Variants in FBXL20 observed in about 807,000 individuals in gnomAD.
FBXL20 encodes the protein F-box/LRR-repeat protein 20.
FBXL20 carries 11 observed loss-of-function variants against 64.0 expected under a neutral mutation model. The ratio of observed to expected loss-of-function variants is 0.17; its 90% CI spans 0.11 to 0.28. FBXL20 has a LOEUF of 0.28. Among genes scored for constraint, FBXL20 ranks in the 10% least tolerant of loss-of-function variants. FBXL20 has a pLI of 1.00. For synonymous variants in FBXL20, 184 were observed against 189.0 expected, an observed-to-expected ratio of 0.97 and a Z score of 0.22; for missense variants, 303 against 526.2, an observed-to-expected ratio of 0.58 and a Z score of 4.15.
intron 1 of FBXL20, among the ~76,000 whole-genome samples, chr17:39,400,028 T>C (rs1448933244): frequency 6.6e-6 from 1 of 152,192 alleles, no homozygotes; most frequent in African/African-American, 2.4e-5. Flanking sequence ...TACGAAACCA[T>C]CATAAATTAA....
intron 2 of FBXL20, among the ~76,000 whole-genome samples, chr17:39,312,030 T>A (rs920543894): frequency 6.6e-6 from 1 of 152,162 alleles, no homozygotes; most frequent in African/African-American, 2.4e-5. Flanking sequence ...TAAGATGTCA[T>A]TGAGTTAGCT....
Position 39,254,519 on chromosome 17 carries a change from A to T in FBXL20, c.*6941T>A, listed in dbSNP as rs1179574173. On this transcript the variant is annotated 3_prime_UTR_variant, in exon 15 of 15. Transcript: ENST00000264658. ...GCTCACTTCTCTAGTCCTAGTACCA[A>T]AACCATGCCCAGATGCAGCTGGGGT... 1.3e-5 allele frequency: 2 copies of T among 154,462 alleles called. No homozygotes were observed. The highest frequency in any genetic ancestry group is 4.8e-5 in the African/African-American group (2 of 41,476). The allele number at this position is 154,462 out of a possible 1,614,324, so 9.6% of individuals were successfully genotyped here.
At chr17:39,299,784 A>C (rs2047118516) in intron 4 of FBXL20, among the ~76,000 whole-genome samples, 1 of 151,494 alleles carries the variant, frequency 6.6e-6, no homozygotes. Context: ...CTCTGTCTCA[A>C]AACAACAACA....
chr17:39,264,889 T>C (rs1174270819), intron 13 of FBXL20, among the ~76,000 whole-genome samples: 2 of 152,206 alleles, frequency 1.3e-5, no homozygotes, highest in African/African-American at 2.4e-5. Flanking sequence ...TCAGAAAATC[T>C]TGACCCAATT....
At chr17:39,371,602 A>G (rs2047918960) in intron 1 of FBXL20, among the ~76,000 whole-genome samples, 1 of 151,662 alleles carries the variant, frequency 6.6e-6, no homozygotes. Flanking sequence ...GGTCCTGAAC[A>G]TCTCATATTC....
At chr17:39,302,375 T>G (rs1356563838) in intron 3 of FBXL20, among the ~76,000 whole-genome samples, 2 of 82,228 alleles carry the variant, frequency 2.4e-5, no homozygotes, top group Admixed American at 2.7e-4. Context: ...CGCATTTGGC[T>G]TTTTTTTTTT....
chr17:39,310,282 G>C (rs553824746), intron 2 of FBXL20, among the ~76,000 whole-genome samples: 1 of 151,910 alleles, frequency 6.6e-6, no homozygotes, highest in African/African-American at 2.4e-5. Context: ...CCAGTTTGCC[G>C]ATGTCACAGC....
chr17:39,320,253 T>TTAAAGA (rs140163569), intron 2 of FBXL20, among the ~76,000 whole-genome samples: 55,663 of 151,558 alleles, frequency 0.37, 12,777 homozygotes, highest in African/African-American at 0.65. Context: ...AAAAATCAAC[T>TTAAAGA]TAAATTTTTT....
intron 9 of FBXL20, among the ~76,000 whole-genome samples, chr17:39,280,250 A>C (rs1045856635): frequency 7.9e-5 from 12 of 151,058 alleles, no homozygotes; most frequent in East Asian, 5.8e-4. Context: ...AAAAAAAAAA[A>C]AAATTAGCCG....
intron 1 of FBXL20, among the ~76,000 whole-genome samples, chr17:39,401,061 G>A (rs989121209): frequency 1.3e-5 from 2 of 152,242 alleles, no homozygotes; most frequent in Non-Finnish European, 2.9e-5. Flanking sequence ...GCAAGCCAAG[G>A]GTTGTGTAAA....
rs537271687 is a variant in FBXL20 at position 39,357,581 on chromosome 17, A to G, written c.43-14340T>C. ...TTATTTCTTGAGACAGTGTCTTACT[A>G]TGTCACCCAGGCTAGAGTGCGGTGG... is the stretch of plus-strand genomic sequence containing the variant. On this transcript the variant is annotated intron_variant, in intron 1 of 14. Coordinates refer to ENST00000264658, the MANE Select transcript of FBXL20 (RefSeq NM_032875.3). 2.4e-4 allele frequency among the ~76,000 whole-genome samples: 37 copies of G among 152,228 alleles called. No homozygotes were observed. In the South Asian group the frequency reaches 3.5e-3, roughly 14 times the overall value.
rs558192213 is a variant in FBXL20 at position 39,329,072 on chromosome 17, T to C, written c.104+14108A>G. ...TGTCAAAAATAAAATAAATACAATGTCTCAAAGTATTTTTACCATAGGACA... is the reference window on the plus strand; with the variant it reads ...TGTCAAAAATAAAATAAATACAATGCCTCAAAGTATTTTTACCATAGGACA... On this transcript the variant is annotated intron_variant, in intron 2 of 14. Coordinates refer to ENST00000264658, the MANE Select transcript of FBXL20 (RefSeq NM_032875.3). Among the ~76,000 whole-genome samples the C allele has an allele frequency of 4.4e-4, 67 of 151,864 alleles. 1 individual carries two copies. Among genetic ancestry groups the C allele is most frequent in the African/African-American group, 1.6e-3 (67 of 41,390 alleles).
At chr17:39,323,778 CT>C (rs375479842) in intron 2 of FBXL20, among the ~76,000 whole-genome samples, 124 of 144,382 alleles carry the variant, frequency 8.6e-4, no homozygotes, top group Non-Finnish European at 9.4e-4. Context: ...CTTCTGTTTT[CT>C]TTTTTTTTTT....
intron 6 of FBXL20, among the ~76,000 whole-genome samples, chr17:39,291,255 C>T (rs1216460798): frequency 6.6e-6 from 1 of 151,994 alleles, no homozygotes; most frequent in Non-Finnish European, 1.5e-5. Context: ...CCACCGCGCC[C>T]GGCCACCTAT....
rs2047129041 is a variant in FBXL20, at chr17:39,300,990, C to T, written c.234+11G>A. On this transcript the variant is annotated intron_variant, in intron 4 of 14. Transcript: ENST00000264658. ...ACATGAAAACTGGGGCCACACACCA[C>T]ATAATTATACCTCAATATCCCTCTG... 1 of 1,613,294 alleles carries T rather than the reference C, an allele frequency of 6.2e-7. No individual in the cohort carries two copies. The highest frequency in any genetic ancestry group is 1.3e-5 in the African/African-American group (1 of 74,890).
intron 2 of FBXL20, among the ~76,000 whole-genome samples, chr17:39,318,498 T>G (rs901909805): frequency 1.3e-5 from 2 of 152,088 alleles, no homozygotes; most frequent in Non-Finnish European, 2.9e-5. Flanking sequence ...CCCAGCACTT[T>G]GGGAGGCCAA....
chr17:39,293,284 T>C (rs1376767979), intron 6 of FBXL20, among the ~76,000 whole-genome samples: 1 of 151,834 alleles, frequency 6.6e-6, no homozygotes, highest in Non-Finnish European at 1.5e-5. Flanking sequence ...TGCAGTGGCA[T>C]GATCTCGGCT....
intron 1 of FBXL20, among the ~76,000 whole-genome samples, chr17:39,383,938 A>G (rs889413727): frequency 9.9e-5 from 15 of 152,034 alleles, no homozygotes; most frequent in Non-Finnish European, 1.6e-4. Context: ...TAAATTTTAT[A>G]CATAAAATTT....
At chr17:39,360,302 A>C (rs2047782152) in intron 1 of FBXL20, among the ~76,000 whole-genome samples, 1 of 152,208 alleles carries the variant, frequency 6.6e-6, no homozygotes, top group African/African-American at 2.4e-5. Flanking sequence ...AAAGTTCTAC[A>C]TGTGGATGGT....
Sources: allele counts gnomAD v4.1 joint callset (sites outside exome capture counted in the v4.1 genomes callset), GRCh38; gene constraint gnomAD v4.1.1; transcripts MANE v1.5; gene names NCBI Gene and HGNC (gene_info 2026-07-23, HGNC 2026-07-21).